The following BCL2L13 variants were observed in gnomAD, a reference collection of about 807,000 sequenced individuals.
BCL2L13 encodes BCL2 like 13, also known as bcl-2-like protein 13.
In BCL2L13, 13 loss-of-function variants were observed where a neutral mutation model predicts 25.8. The observed-to-expected ratio is 0.50, with a 90% CI of 0.33 to 0.80. The LOEUF is 0.80. BCL2L13 is among the 30% of genes least tolerant of loss of function. The pLI, the probability that BCL2L13 is intolerant of heterozygous loss-of-function variation, is 0.02. For missense variants in BCL2L13, 504 were observed against 574.9 expected (o/e 0.88, Z 1.26); for synonymous variants, 244 against 230.3 (o/e 1.06, Z -0.54).
At chr22:17,672,709 G>A (rs1462549386) in intron 2 of BCL2L13, among the ~76,000 whole-genome samples, 2 of 152,298 alleles carry the variant, frequency 1.3e-5, no homozygotes, top group Middle Eastern at 3.4e-3. Flanking sequence ...TTATTATGAA[G>A]TATGACAACT....
chr22:17,683,337 T>C lies in BCL2L13; in HGVS notation c.229+16T>C, dbSNP rs764282567. ...ATTTCTGAAGGTCTGTTTATTCTTA[T>C]TTTTCTAGTTAATAAGCAGATTGTG... On this transcript the variant is annotated intron_variant, in intron 3 of 6. Coordinates refer to ENST00000317582, the MANE Select transcript of BCL2L13 (RefSeq NM_015367.4). The C allele has an allele frequency of 5.0e-6, 7 of 1,391,192 alleles. No individual in the cohort carries two copies. The highest frequency in any genetic ancestry group is 4.6e-5 in the East Asian group (2 of 43,162). The allele number at this position is 1,391,192 out of a possible 1,614,324, so 86.2% of individuals were successfully genotyped here.
chr22:17,651,042 G>A (rs4819618), intron 1 of BCL2L13, among the ~76,000 whole-genome samples: 65,598 of 139,528 alleles, frequency 0.47, 16,112 homozygotes, highest in East Asian at 0.8. Context: ...AACTCAGGCT[G>A]GAGTGCAGTG....
intron 2 of BCL2L13, among the ~76,000 whole-genome samples, chr22:17,656,281 C>T (rs2058853325): frequency 6.7e-6 from 1 of 148,534 alleles, no homozygotes; most frequent in Non-Finnish European, 1.5e-5. Flanking sequence ...ACCCGTTATG[C>T]CATTCTTTCC....
chr22:17,642,835 G>A (rs2058341613), intron 1 of BCL2L13, among the ~76,000 whole-genome samples: 2 of 152,052 alleles, frequency 1.3e-5, no homozygotes, highest in African/African-American at 4.8e-5. Flanking sequence ...TGACTCAAGT[G>A]ATCCTCTTGC....
intron 2 of BCL2L13, among the ~76,000 whole-genome samples, chr22:17,674,885 T>TCA (rs2059532563): frequency 2.5e-5 from 1 of 40,290 alleles, no homozygotes; most frequent in African/African-American, 1.3e-4. Flanking sequence ...TTAATGTGGC[T>TCA]TATGATGCAT....
chr22:17,650,519 C>T (rs1211084712), intron 1 of BCL2L13, among the ~76,000 whole-genome samples: 2 of 152,098 alleles, frequency 1.3e-5, no homozygotes, highest in African/African-American at 2.4e-5. Flanking sequence ...TCCTTCTTGT[C>T]CCAGCACTGA....
intron 6 of BCL2L13, among the ~76,000 whole-genome samples, chr22:17,710,746 G>A (rs1436808981): frequency 2.6e-5 from 4 of 151,934 alleles, no homozygotes; most frequent in Non-Finnish European, 5.9e-5. Context: ...GCGTGGTGGT[G>A]GGCACCCATA....
intron 2 of BCL2L13, among the ~76,000 whole-genome samples, chr22:17,666,774 C>T (rs1241121828): frequency 1.3e-5 from 2 of 151,428 alleles, no homozygotes; most frequent in East Asian, 1.9e-4. Flanking sequence ...CTTTGCCTCC[C>T]GGGTCCCGGT....
rs555307632 is a variant in BCL2L13 at position 17,727,361 on chromosome 22, A to G, written c.1285A>G (p.Ser429Gly). The G allele has an allele frequency of 5.6e-6, 9 of 1,614,264 alleles. No individual in the cohort carries two copies. In the African/African-American group the frequency reaches 1.2e-4, roughly 22 times the overall value. The change falls in exon 7 of 7, where the codon AGC becomes GGC. Residue 429 changes from serine to glycine, a missense_variant. By Grantham distance (56) the Ser-to-Gly change is moderately conservative (BLOSUM62 0). Transcript: ENST00000317582. ...CCTTGTGGAAGAGCTGTCCCCTGCC[A>G]GCGAGAAGAAGCCCGTGCCGCCGTC... ...ESLVEELSPA[S>G]EKKPVPPSEG...
At chr22:17,703,206 C>T (rs1425216800) in intron 6 of BCL2L13, 4 of 146,612 alleles carry the variant, frequency 2.7e-5, no homozygotes, top group Admixed American at 1.3e-4. Flanking sequence ...TATGTATATA[C>T]ACACATGTAT....
intron 3 of BCL2L13, among the ~76,000 whole-genome samples, chr22:17,687,202 G>A (rs1006762673): frequency 4.6e-5 from 7 of 152,284 alleles, no homozygotes; most frequent in Admixed American, 2.0e-4. Flanking sequence ...TTTCCTGGTA[G>A]CTGATGCCTT....
intron 6 of BCL2L13, among the ~76,000 whole-genome samples, chr22:17,721,492 G>GT (rs36189821): frequency 0.15 from 20,099 of 137,636 alleles, 1,905 homozygotes; most frequent in Non-Finnish European, 0.22. Flanking sequence ...AATGGAAATA[G>GT]TTTTTTTTTT....
At chr22:17,630,973 G>A (rs1435181357) in intron 1 of BCL2L13, among the ~76,000 whole-genome samples, 2 of 151,908 alleles carry the variant, frequency 1.3e-5, no homozygotes, top group Admixed American at 6.6e-5. Context: ...AACCTGGATT[G>A]GATCCAGGGT....
At position 17,712,801 on chromosome 22, in the gene BCL2L13, A is replaced by G. The variant is rs114819217; in HGVS notation, c.600+10415A>G. Among the ~76,000 whole-genome samples, 512 of 152,298 alleles carry G rather than the reference A, an allele frequency of 3.4e-3. 1 individual carries two copies. The highest frequency in any genetic ancestry group is 0.012 in the African/African-American group (495 of 41,556). On this transcript the variant is annotated intron_variant, in intron 6 of 6. Coordinates refer to ENST00000317582, the MANE Select transcript of BCL2L13 (RefSeq NM_015367.4). ...AGGAAGATTACAGAAATGTTTCCCT[A>G]AGTAAACAGTAGCTATTTTAATTCA...
intron 1 of BCL2L13, among the ~76,000 whole-genome samples, chr22:17,640,646 C>G (rs1384369545): frequency 4.0e-5 from 6 of 151,264 alleles, no homozygotes; most frequent in Non-Finnish European, 5.9e-5. Context: ...TGCTTGAGCC[C>G]GGGAGTTCGA....
In BCL2L13 at chr22:17,710,454, C is replaced by G. The variant is rs548947698; in HGVS notation, c.600+8068C>G. Reference sequence around the variant, plus strand: ...AATTCTCCGGGCATGGTGGCGCACACCTGTAATCTTAGCTGCTCCGGAGGC... The same window carrying G: ...AATTCTCCGGGCATGGTGGCGCACAGCTGTAATCTTAGCTGCTCCGGAGGC... On this transcript the variant is annotated intron_variant, in intron 6 of 6. Coordinates refer to ENST00000317582, the MANE Select transcript of BCL2L13 (RefSeq NM_015367.4). Among the ~76,000 whole-genome samples, 4 of 151,818 alleles carry G rather than the reference C, an allele frequency of 2.6e-5. No homozygotes were observed. The South Asian group carries it at 8.3e-4, about 32-fold the overall frequency.
intron 6 of BCL2L13, among the ~76,000 whole-genome samples, chr22:17,709,419 A>G (rs953369328): frequency 1.3e-5 from 2 of 150,428 alleles, no homozygotes; most frequent in African/African-American, 4.9e-5. Context: ...ACGTGGTGAA[A>G]CCCCATCTCT....
chr22:17,679,925 C>T (rs1397513819), intron 2 of BCL2L13, among the ~76,000 whole-genome samples: 1 of 152,080 alleles, frequency 6.6e-6, no homozygotes, highest in East Asian at 1.9e-4. Flanking sequence ...TATATTAAGA[C>T]TTATGGGCCA....
intron 2 of BCL2L13, among the ~76,000 whole-genome samples, chr22:17,672,676 C>G (rs1024780938): frequency 6.6e-6 from 1 of 152,174 alleles, no homozygotes; most frequent in Non-Finnish European, 1.5e-5. Context: ...CAGACATTTT[C>G]TGGTTTAGGT....
Sources: allele counts gnomAD v4.1 joint callset (sites outside exome capture counted in the v4.1 genomes callset), GRCh38; gene constraint gnomAD v4.1.1; transcripts MANE v1.5; gene names NCBI Gene and HGNC (gene_info 2026-07-23, HGNC 2026-07-21).